Variants in SH2D5 observed in about 807,000 individuals in gnomAD.
The protein encoded by SH2D5 is SH2 domain containing 5, also known as SH2 domain-containing protein 5.
SH2D5 carries 45 observed loss-of-function variants against 48.2 expected under a neutral mutation model. That is an observed-to-expected ratio of 0.93 (90% CI 0.73 to 1.20). The LOEUF is 1.20. SH2D5 is among the 50% of genes most tolerant of loss of function. The pLI is 0.00. For synonymous variants in SH2D5, 230 were observed against 249.8 expected (o/e 0.92, Z 0.75); for missense variants, 538 against 584.1 (o/e 0.92, Z 0.81).
chr1:20,724,757 A>C, intron 5 of SH2D5, 122 bp from the exon 6 acceptor site: 1 of 1,253,350 alleles, frequency 8.0e-7, no homozygotes, highest in South Asian at 1.7e-5. Context: ...GGCTCTTCCC[A>C]TTCTTCCTGG....
At chr1:20,726,088 G>GC in intron 4 of SH2D5, 22 bp from the exon 5 acceptor site, 1 of 1,577,160 alleles carries the variant, frequency 6.3e-7, no homozygotes, top group Non-Finnish European at 8.6e-7. Flanking sequence ...GCAGTGTGAG[G>GC]CCCCCATCAG....
rs778356772 is a variant in SH2D5 at position 20,721,778 on chromosome 1, C to T, written c.*14G>A. 7.5e-5 allele frequency: 113 copies of T among 1,513,964 alleles called. No individual in the cohort carries two copies. In the Admixed American group the frequency reaches 9.3e-4, roughly 13 times the overall value. 93.8% of individuals were successfully genotyped at this position (1,513,964 alleles called of 1,614,324 possible). A position where few individuals can be genotyped will look rare whatever the true frequency, so the allele number is the denominator to read the frequency against. On this transcript the variant is annotated 3_prime_UTR_variant, in exon 10 of 10. Coordinates refer to ENST00000444387, the MANE Select transcript of SH2D5 (RefSeq NM_001103161.2). Reference sequence around the variant, plus strand: ...CGGGGTGAGGCGGGGCCTGTGGGACCGGGGCCCTACCTCTTAGCCCAGGCC... The same window carrying T: ...CGGGGTGAGGCGGGGCCTGTGGGACTGGGGCCCTACCTCTTAGCCCAGGCC...
intron 6 of SH2D5, 22 bp downstream of exon 6, chr1:20,724,374 C>A: frequency 2.5e-6 from 4 of 1,610,420 alleles, no homozygotes; most frequent in Non-Finnish European, 3.4e-6. Context: ...ACTGCCCACT[C>A]CTTGGCTGGG....
chr1:20,726,884 C>A (rs1485883148), intron 4 of SH2D5, 117 bp downstream of exon 4: 5 of 835,306 alleles, frequency 6.0e-6, no homozygotes, highest in South Asian at 2.5e-5. Context: ...CCAGGGGGAC[C>A]CCAGGGGAAG....
Position 20,729,588 on chromosome 1 carries a change from C to T in SH2D5, c.-42-1502G>A, listed in dbSNP as rs1253273714. ...ACAGCGGGGTCTGACCACTTCTGCT[C>T]CCCTCCTTGTCCTTGGCCACACCGA... On this transcript the variant is annotated intron_variant, in intron 1 of 9. Coordinates refer to ENST00000444387, the MANE Select transcript of SH2D5 (RefSeq NM_001103161.2). The surrounding 1 kb of genome is among the most constrained non-coding windows in gnomAD (Gnocchi z 4.2). Among the ~76,000 whole-genome samples, 3 of 152,140 alleles carry T rather than the reference C, an allele frequency of 2.0e-5. No individual in the cohort carries two copies. The highest frequency in any genetic ancestry group is 3.9e-4 in the East Asian group (2 of 5,190).
chr1:20,722,961 G>A (rs1217986993), intron 8 of SH2D5, 46 bp from the exon 9 acceptor site: 1 of 1,460,712 alleles, frequency 6.8e-7, no homozygotes. Context: ...TGCTCTCCTG[G>A]GCAATGGTCA....
intron 5 of SH2D5, 126 bp downstream of exon 5, chr1:20,725,793 TG>T: frequency 8.8e-7 from 1 of 1,140,566 alleles, no homozygotes; most frequent in Non-Finnish European, 1.2e-6. Context: ...AGAGCCAATG[TG>T]GTGAGGGGTG....
At position 20,719,866 on chromosome 1, in the gene SH2D5, C is replaced by T. The variant is rs1212257531; in HGVS notation, c.*1926G>A. ...GAGTCTGCAAACAGGGGCCAAAAAC[C>T]TTGCCCTCTCTGTAACACGAGATCA... On this transcript the variant is annotated 3_prime_UTR_variant, in exon 10 of 10. Transcript: ENST00000444387. 1 of 152,224 alleles carries T rather than the reference C, an allele frequency of 6.6e-6. No homozygotes were observed. Among genetic ancestry groups the T allele is most frequent in the African/African-American group, 2.4e-5 (1 of 41,432 alleles). The allele number at this position is 152,224 out of a possible 1,614,324, so 9.4% of individuals were successfully genotyped here.
rs759712251 is a variant in SH2D5 at position 20,724,227 on chromosome 1, G to A, written c.655C>T (p.Arg219Cys). ...SGKELPESEGRARHARLGNPY... is the reference protein window; with the variant it reads ...SGKELPESEGCARHARLGNPY... ...TTCCCCAGGCGGGCATGGCGGGCAC[G>A]GCCTTCCGACTCTGGCAGCTCCTTC... Residue 219 changes from arginine (R) to cysteine (C), a missense_variant, in exon 7 of 10, where the codon CGT (arginine) becomes TGT (cysteine). Coordinates refer to ENST00000444387, the MANE Select transcript of SH2D5 (RefSeq NM_001103161.2). 19 of 1,612,658 alleles carry A rather than the reference G, an allele frequency of 1.2e-5. No homozygotes were observed. Among genetic ancestry groups the A allele is most frequent in the African/African-American group, 4.0e-5 (3 of 74,940 alleles).
At chr1:20,725,585 G>C (rs1195474486) in intron 5 of SH2D5, among the ~76,000 whole-genome samples, 1 of 152,228 alleles carries the variant, frequency 6.6e-6, no homozygotes, top group Non-Finnish European at 1.5e-5. Flanking sequence ...TCAGACACAT[G>C]GGCTGAGCCT....
Position 20,732,612 on chromosome 1 carries a change from A to C in SH2D5, c.-474T>G, listed in dbSNP as rs1376901925. ...CGAGCCTGGCTCGGAGGAGGCGCTC[A>C]GGGTGGTTCGGGCCCGGCCCTTGTG... On this transcript the variant is annotated 5_prime_UTR_variant, in exon 1 of 10. The change abolishes the stop of an existing upstream ORF in the 5' untranslated region. Coordinates refer to ENST00000444387, the MANE Select transcript of SH2D5 (RefSeq NM_001103161.2). This position sits in a 1 kb window ranked among gnomAD's most constrained non-coding sequence, Gnocchi z 5.1. 6.6e-6 allele frequency: 1 copy of C among 152,216 alleles called. No homozygotes were observed. Among genetic ancestry groups the C allele is most frequent in the Admixed American group, 6.5e-5 (1 of 15,286 alleles). 9.4% of individuals were successfully genotyped at this position (152,216 alleles called of 1,614,324 possible).
chr1:20,721,607 A>T lies in SH2D5; in HGVS notation c.*185T>A. The T allele has an allele frequency of 1.9e-6, 1 of 539,192 alleles. No individual in the cohort carries two copies. Among genetic ancestry groups the T allele is most frequent in the South Asian group, 3.4e-5 (1 of 29,390 alleles). The allele number at this position is 539,192 out of a possible 1,614,324, so 33.4% of individuals were successfully genotyped here. On this transcript the variant is annotated 3_prime_UTR_variant, in exon 10 of 10. Transcript: ENST00000444387. ...ATCTCAGCAGGCCACATGTTCTCCA[A>T]GAAGCCATTGGCGATACCCACCCTC...
intron 4 of SH2D5, 57 bp from the exon 5 acceptor site, chr1:20,726,123 C>G: frequency 6.6e-7 from 1 of 1,525,258 alleles, no homozygotes; most frequent in South Asian, 1.3e-5. Context: ...CCCACCCCTG[C>G]TTGCCAGCCT....
At chr1:20,723,947 A>C in intron 7 of SH2D5, 136 bp downstream of exon 7, 1 of 1,176,216 alleles carries the variant, frequency 8.5e-7, no homozygotes, top group Non-Finnish European at 1.2e-6. Context: ...GCAAACACAC[A>C]CAGTGCACAG....
chr1:20,724,460 GA>G lies in SH2D5; in HGVS notation c.565del (p.Ser189LeufsTer56), dbSNP rs777105690. The stretch of plus-strand genomic sequence containing the variant: ...GGAGACCAGGGCATGGACGTTCTGA[GA>G]GAGCTGATCACGGCCGAAGGGCTCC... ...VREPFGRDQLSQNVHALVSFR... is the reference protein window; with the variant it reads ...VREPFGRDQLXQNVHALVSFR... On this transcript the variant is annotated frameshift_variant, in exon 6 of 10. Coordinates refer to ENST00000444387, the MANE Select transcript of SH2D5 (RefSeq NM_001103161.2). LOFTEE classifies it high-confidence loss of function. 2 of 1,613,010 alleles carry G rather than the reference GA, an allele frequency of 1.2e-6. No individual in the cohort carries two copies. Among genetic ancestry groups the G allele is most frequent in the Admixed American group, 1.7e-5 (1 of 60,032 alleles).
Position 20,721,612 on chromosome 1 carries a change from C to G in SH2D5, c.*180G>C, listed in dbSNP as rs2054685683. 1 of 554,120 alleles carries G rather than the reference C, an allele frequency of 1.8e-6. No homozygotes were observed. Among genetic ancestry groups the G allele is most frequent in the African/African-American group, 1.9e-5 (1 of 52,806 alleles). 34.3% of individuals were successfully genotyped at this position (554,120 alleles called of 1,614,324 possible). On this transcript the variant is annotated 3_prime_UTR_variant, in exon 10 of 10. Transcript: ENST00000444387. ...AGCAGGCCACATGTTCTCCAAGAAG[C>G]CATTGGCGATACCCACCCTCAGGGC...
rs199984518 is a variant in SH2D5, at chr1:20,727,548, A to G, written c.143T>C (p.Val48Ala). 1,405 of 1,602,472 alleles carry G rather than the reference A, an allele frequency of 8.8e-4. 2 individuals carry two copies. The highest frequency in any genetic ancestry group is 1.1e-3 in the Non-Finnish European group (1,286 of 1,176,138). ...DLDTQESVWLVQQQLWALKDC... is the reference protein window; with the variant it reads ...DLDTQESVWLAQQQLWALKDC... ...CTTCAGCGCCCACAGCTGCTGCTGC[A>G]CCAGCCACACGCTCTCCTGGGTGTC... Residue 48 changes from valine (V) to alanine (A), a missense_variant, in exon 3 of 10, where the codon GTG becomes GCG. Physicochemically the swap from Val to Ala is moderately conservative, Grantham distance 64. Transcript: ENST00000444387.
intron 1 of SH2D5, chr1:20,731,614 G>C (rs688182): frequency 6.6e-6 from 1 of 152,448 alleles, no homozygotes; most frequent in Non-Finnish European, 1.5e-5. Flanking sequence ...AGCGGGGTGA[G>C]GAGAAGGCGA....
Position 20,726,683 on chromosome 1 carries a change from G to A in SH2D5, c.243+318C>T, listed in dbSNP as rs373038793. Among the ~76,000 whole-genome samples, 1,507 of 152,260 alleles carry A rather than the reference G, an allele frequency of 9.9e-3. 20 individuals are homozygous for A. The highest frequency in any genetic ancestry group is 0.034 in the African/African-American group (1,423 of 41,536). On this transcript the variant is annotated intron_variant, in intron 4 of 9. Transcript: ENST00000444387. ...CCGCACCTGGGTGAAGCTGCCCACGGCCCACCAGCCAGGGCGGGGCAGGGC... is the reference window on the plus strand; with the variant it reads ...CCGCACCTGGGTGAAGCTGCCCACGACCCACCAGCCAGGGCGGGGCAGGGC...
Sources: allele counts gnomAD v4.1 joint callset (sites outside exome capture counted in the v4.1 genomes callset), GRCh38; gene constraint gnomAD v4.1.1; non-coding constraint Gnocchi (gnomAD v3.1); transcripts MANE v1.5; gene names NCBI Gene and HGNC (gene_info 2026-07-23, HGNC 2026-07-21).